The following RFX6 variants were observed in gnomAD, a reference collection of about 807,000 sequenced individuals.
RFX6 encodes regulatory factor X6, also known as DNA-binding protein RFX6.
RFX6 carries 50 observed loss-of-function variants against 110.8 expected under a neutral mutation model. The ratio of observed to expected loss-of-function variants is 0.45; its 90% CI spans 0.36 to 0.57. The LOEUF (loss-of-function observed/expected upper bound fraction) is 0.57. Ranked by LOEUF, RFX6 falls within the 20% of genes least tolerant of loss-of-function variation. The probability of loss-of-function intolerance (pLI) is 0.00; values close to 1 mark genes in which losing one functional copy is unlikely to be tolerated. For missense variants in RFX6, 990 were observed against 1,127.0 expected (o/e 0.88, Z 1.74); for synonymous variants, 383 against 411.2 (o/e 0.93, Z 0.83).
At chr6:116,920,964 G>T (rs1775582345) in intron 12 of RFX6, among the ~76,000 whole-genome samples, 1 of 152,076 alleles carries the variant, frequency 6.6e-6, no homozygotes, top group Non-Finnish European at 1.5e-5. Flanking sequence ...TATCAAAATG[G>T]TATCTCAGCA....
chr6:116,896,998 T>A (rs1263537010), intron 6 of RFX6, among the ~76,000 whole-genome samples: 1 of 152,168 alleles, frequency 6.6e-6, no homozygotes, highest in Non-Finnish European at 1.5e-5. Context: ...GGTCCTGCCC[T>A]TCCAGAGCTT....
chr6:116,889,734 T>C (rs1362470821), intron 4 of RFX6, among the ~76,000 whole-genome samples: 2 of 152,118 alleles, frequency 1.3e-5, no homozygotes, highest in East Asian at 1.9e-4. Context: ...CCTTACATCA[T>C]GTTAGATAAG....
At chr6:116,883,436 T>C (rs1386037655) in intron 4 of RFX6, among the ~76,000 whole-genome samples, 2 of 152,142 alleles carry the variant, frequency 1.3e-5, no homozygotes, top group Non-Finnish European at 2.9e-5. Flanking sequence ...AATGAAAGTA[T>C]AATGTGGCCA....
chr6:116,920,932 T>C (rs1157026079), intron 12 of RFX6, among the ~76,000 whole-genome samples: 5 of 152,182 alleles, frequency 3.3e-5, no homozygotes, highest in Admixed American at 2.0e-4. Flanking sequence ...TATAGTCTTG[T>C]CATCCTGTGG....
At chr6:116,907,304 T>C (rs1325156951) in intron 6 of RFX6, among the ~76,000 whole-genome samples, 1 of 152,134 alleles carries the variant, frequency 6.6e-6, no homozygotes, top group African/African-American at 2.4e-5. Context: ...ATAAGGGATA[T>C]TGGTCTGCAG....
chr6:116,912,669 A>G (rs1775377984), intron 7 of RFX6, among the ~76,000 whole-genome samples: 2 of 152,122 alleles, frequency 1.3e-5, no homozygotes. Flanking sequence ...CTTATCATGA[A>G]GATGTTTATG....
rs370631698 is a variant in RFX6 at position 116,928,929 on chromosome 6, A to G, written c.2569A>G (p.Thr857Ala). ...SGRKQTSSFY[T>A]DTSSPVACRT... is the part of the protein sequence containing the mutation. ...TAGAAAACAGACCAGCTCGTTTTAC[A>G]CAGACACATCATCTCCAGTTGCATG... Residue 857 changes from threonine to alanine, a missense_variant, in exon 18 of 19, where the codon ACA (threonine) becomes GCA (alanine). Transcript: ENST00000332958. 7 of 1,613,588 alleles carry G rather than the reference A, an allele frequency of 4.3e-6. No individual in the cohort carries two copies. Among genetic ancestry groups the G allele is most frequent in the Non-Finnish European group, 5.9e-6 (7 of 1,179,578 alleles).
intron 6 of RFX6, among the ~76,000 whole-genome samples, chr6:116,898,283 T>C (rs1452588206): frequency 1.3e-5 from 2 of 152,166 alleles, no homozygotes; most frequent in Non-Finnish European, 2.9e-5. Flanking sequence ...ATGTAGAACA[T>C]TTAGTCAAGT....
intron 5 of RFX6, among the ~76,000 whole-genome samples, chr6:116,894,524 A>G (rs1774899409): frequency 6.6e-6 from 1 of 152,136 alleles, no homozygotes; most frequent in African/African-American, 2.4e-5. Context: ...TTACCTTATG[A>G]GGGTGAAATT....
chr6:116,921,103 C>T (rs1433464590), intron 12 of RFX6, among the ~76,000 whole-genome samples: 1 of 152,150 alleles, frequency 6.6e-6, no homozygotes, highest in African/African-American at 2.4e-5. Flanking sequence ...TTTTTCCTCC[C>T]TCTGTCTTTG....
At chr6:116,928,711 G>A (rs747217107) in intron 17 of RFX6, 48 bp from the exon 18 acceptor site, 6 of 1,370,306 alleles carry the variant, frequency 4.4e-6, no homozygotes, top group African/African-American at 2.9e-5. Context: ...CTTCCTGAAA[G>A]TTCTTTGTAG....
chr6:116,913,650 A>G (rs1775404021), intron 7 of RFX6, among the ~76,000 whole-genome samples: 1 of 152,264 alleles, frequency 6.6e-6, no homozygotes, highest in South Asian at 2.1e-4. Context: ...TTAAATAAAC[A>G]AATTAAGTAT....
At chr6:116,892,622 TG>T (rs879407414) in intron 4 of RFX6, among the ~76,000 whole-genome samples, 2 of 152,062 alleles carry the variant, frequency 1.3e-5, no homozygotes, top group Non-Finnish European at 2.9e-5. Flanking sequence ...AGCTGAAAAA[TG>T]GGGTGAAAGT....
chr6:116,913,937 T>C (rs1184406701), intron 7 of RFX6, among the ~76,000 whole-genome samples: 1 of 152,230 alleles, frequency 6.6e-6, no homozygotes, highest in East Asian at 1.9e-4. Context: ...CTAAAGACAT[T>C]TGAATTGTTC....
rs781121591 is a variant in RFX6, at chr6:116,920,498, G to A, written c.1327+44G>A. On this transcript the variant is annotated intron_variant, in intron 12 of 18. Transcript: ENST00000332958. ...TTTAGAACAAGGTTTTCTAAGCTCA[G>A]AAAATTGACATCTTGAGCTGGGTAA... is the stretch of plus-strand genomic sequence containing the variant. 8 of 1,546,722 alleles carry A rather than the reference G, an allele frequency of 5.2e-6. No homozygotes were observed. The Admixed American group carries it at 1.3e-4, about 26-fold the overall frequency.
intron 14 of RFX6, 22 bp downstream of exon 14, chr6:116,923,246 A>G (rs754595487): frequency 2.0e-5 from 21 of 1,043,600 alleles, no homozygotes; most frequent in Non-Finnish European, 3.0e-5. Flanking sequence ...GCATTATAAA[A>G]CTGTTCTTAC....
chr6:116,888,279 C>G (rs1229799406), intron 4 of RFX6, among the ~76,000 whole-genome samples: 5 of 152,026 alleles, frequency 3.3e-5, no homozygotes, highest in African/African-American at 1.2e-4. Flanking sequence ...GTATTAGGCA[C>G]AAAGTAAATA....
intron 3 of RFX6, 37 bp from the exon 4 acceptor site, chr6:116,882,330 A>G: frequency 6.5e-7 from 1 of 1,535,860 alleles, no homozygotes; most frequent in South Asian, 1.1e-5. Context: ...AGGACCATAT[A>G]CTTTCTAACG....
intron 12 of RFX6, among the ~76,000 whole-genome samples, chr6:116,920,856 A>G (rs1775579958): frequency 6.6e-6 from 1 of 152,166 alleles, no homozygotes; most frequent in South Asian, 2.1e-4. Flanking sequence ...AAATAATCAA[A>G]TTGTTTTGAG....
Sources: gnomAD v4.1 joint callset for allele counts (sites outside exome capture counted in the v4.1 genomes callset) on GRCh38, gnomAD v4.1.1 for gene constraint, MANE v1.5 for transcripts, NCBI Gene and HGNC (gene_info 2026-07-23, HGNC 2026-07-21) for gene names.